XG: variants seen among roughly 807,000 people sequenced by gnomAD.
XG encodes the protein glycoprotein Xg.
A neutral mutation model predicts 25.7 loss-of-function variants in XG; 24 were observed. The ratio of observed to expected loss-of-function variants is 0.93; its 90% CI spans 0.68 to 1.31. XG has a LOEUF of 1.31. Among genes scored for constraint, XG ranks in the 40% most tolerant of loss-of-function variants. The probability of loss-of-function intolerance (pLI) is 0.00; values close to 1 mark genes in which losing one functional copy is unlikely to be tolerated. For synonymous variants in XG, 77 were observed against 69.2 expected (o/e 1.11, Z -0.56); for missense variants, 181 against 187.6 (o/e 0.96, Z 0.21).
chrX:2,770,571 C>A lies in XG; in HGVS notation c.83C>A (p.Ala28Glu), dbSNP rs146590192. ...ATAGGTCAAAGAGACTTTGATTTGG[C>A]AGATGCCCTTGATGACCCTGGTAAG... ...HARGQRDFDL[A>E]DALDDPEPTK... Residue 28 changes from alanine to glutamate, a missense_variant, in exon 2 of 11, where the codon GCA (alanine) becomes GAA (glutamate). Coordinates refer to ENST00000644266, the MANE Select transcript of XG (RefSeq NM_001141919.2). The A allele has an allele frequency of 2.5e-6, 4 of 1,613,892 alleles. No individual in the cohort carries two copies. The highest frequency in any genetic ancestry group is 2.5e-6 in the Non-Finnish European group (3 of 1,179,848).
At chrX:2,774,652 C>G in intron 2 of XG, 64 bp from the exon 3 acceptor site, 1 of 1,594,710 alleles carries the variant, frequency 6.3e-7, no homozygotes, top group Non-Finnish European at 8.6e-7. Flanking sequence ...CGTTCATGGC[C>G]TTTCTTCATG....
chrX:2,813,864 T>C (rs1486711229), intron 10 of XG, among the ~76,000 whole-genome samples: 1 of 112,899 alleles, frequency 8.9e-6, no homozygotes, highest in African/African-American at 3.2e-5. Context: ...TCAAAATCCT[T>C]AACAAATGGC....
At chrX:2,763,538 A>G (rs1246632908) in intron 1 of XG, among the ~76,000 whole-genome samples, 2 of 152,306 alleles carry the variant, frequency 1.3e-5, no homozygotes, top group Admixed American at 1.3e-4. Flanking sequence ...ACCAATGGCC[A>G]CAACTAACAT....
chrX:2,785,372 A>G (rs1197740280), intron 4 of XG, among the ~76,000 whole-genome samples: 1 of 111,758 alleles, frequency 8.9e-6, no homozygotes, highest in Non-Finnish European at 1.9e-5. Flanking sequence ...CCAGGGTGAA[A>G]TTCCACAGAA....
chrX:2,763,980 T>C (rs1323625257), intron 1 of XG, among the ~76,000 whole-genome samples: 1 of 152,094 alleles, frequency 6.6e-6, no homozygotes, highest in Admixed American at 6.6e-5. Flanking sequence ...CATTCCCGGA[T>C]GGTCAAGGCA....
At chrX:2,800,760 G>A (rs1307171800) in intron 7 of XG, among the ~76,000 whole-genome samples, 1 of 111,383 alleles carries the variant, frequency 9.0e-6, no homozygotes, top group Non-Finnish European at 1.9e-5. Context: ...GGCCAAGGTG[G>A]GTGGATCCCT....
chrX:2,768,365 G>A (rs1420517510), intron 1 of XG, among the ~76,000 whole-genome samples: 1 of 152,178 alleles, frequency 6.6e-6, no homozygotes, highest in Non-Finnish European at 1.5e-5. Flanking sequence ...CAGGTGTCTC[G>A]ACTGGAACTG....
intron 1 of XG, among the ~76,000 whole-genome samples, chrX:2,756,413 A>G: frequency 6.6e-6 from 1 of 152,328 alleles, no homozygotes; most frequent in Non-Finnish European, 1.5e-5. Flanking sequence ...TTAGTTTACA[A>G]TAATCTATTG....
Position 2,752,157 on chromosome X carries a change from G to A in XG, c.-118G>A, listed in dbSNP as rs2050342937. ...CTCATATTTTCCACTTGAAGACATCGCCTCCCTTCCTTCCAAGCTGGGAGA... is the reference window on the plus strand; with the variant it reads ...CTCATATTTTCCACTTGAAGACATCACCTCCCTTCCTTCCAAGCTGGGAGA... On this transcript the variant is annotated 5_prime_UTR_variant, in exon 1 of 11. Transcript: ENST00000644266. The A allele has an allele frequency of 3.3e-6, 5 of 1,532,676 alleles. No homozygotes were observed. The highest frequency in any genetic ancestry group is 4.5e-5 in the East Asian group (2 of 44,182). The allele number at this position is 1,532,676 out of a possible 1,614,324, so 94.9% of individuals were successfully genotyped here.
chrX:2,768,272 T>C (rs1326585218), intron 1 of XG, among the ~76,000 whole-genome samples: 2 of 152,118 alleles, frequency 1.3e-5, no homozygotes, highest in Admixed American at 1.3e-4. Context: ...CAGTGAAAGA[T>C]ATTGGTCAAC....
chrX:2,794,512 A>G, intron 5 of XG, 23 bp from the exon 6 acceptor site: 1 of 1,208,028 alleles, frequency 8.3e-7, no homozygotes, highest in East Asian at 3.0e-5. Context: ...CTCATGAGCA[A>G]TGCCGCGTGC....
intron 7 of XG, 88 bp from the exon 8 acceptor site, chrX:2,806,613 C>A: frequency 1.2e-6 from 1 of 829,095 alleles, no homozygotes; most frequent in Non-Finnish European, 1.7e-6. Flanking sequence ...CATCTTGCTT[C>A]AGGTTTGCTG....
chrX:2,804,563 C>T (rs781288708), intron 7 of XG, among the ~76,000 whole-genome samples: 45 of 111,509 alleles, frequency 4.0e-4, no homozygotes, highest in Admixed American at 3.0e-3. Flanking sequence ...ACCCCTACAG[C>T]CTACGAATGA....
At chrX:2,781,699 G>A (rs1317844369) in intron 3 of XG, among the ~76,000 whole-genome samples, 1 of 111,828 alleles carries the variant, frequency 8.9e-6, no homozygotes, top group African/African-American at 3.3e-5. Context: ...GGAACAGAAG[G>A]TTTGGTGTTA....
rs778771423 is a variant in XG, at chrX:2,752,093, G to A, written c.-182G>A. 1.6e-5 allele frequency: 15 copies of A among 936,388 alleles called. No individual in the cohort carries two copies. In the East Asian group the frequency reaches 3.1e-4, roughly 19 times the overall value. 58.0% of individuals were successfully genotyped at this position (936,388 alleles called of 1,614,324 possible). Reference sequence around the variant, plus strand: ...CACAGGTTTTCAGCTGTGGAGTTTGGGATCTGAGCTTGGAGCCCATTTGTT... The same window carrying A: ...CACAGGTTTTCAGCTGTGGAGTTTGAGATCTGAGCTTGGAGCCCATTTGTT... On this transcript the variant is annotated 5_prime_UTR_variant, in exon 1 of 11. Transcript: ENST00000644266.
At chrX:2,781,309 A>G (rs6655036) in intron 3 of XG, among the ~76,000 whole-genome samples, 1 of 151,134 alleles carries the variant, frequency 6.6e-6, no homozygotes, top group Non-Finnish European at 1.5e-5. Context: ...GGCCTCCACA[A>G]ACAAGTTTAT....
intron 1 of XG, among the ~76,000 whole-genome samples, chrX:2,764,814 G>T (rs148301245): frequency 0.013 from 1,943 of 152,050 alleles, 48 homozygotes; most frequent in African/African-American, 0.044. Flanking sequence ...GCCGAGGCGG[G>T]TGAATCACTT....
At chrX:2,798,992 A>G (rs2316291) in intron 7 of XG, among the ~76,000 whole-genome samples, 54,506 of 108,466 alleles carry the variant, frequency 0.5, 11,785 homozygotes, top group Admixed American at 0.7. Context: ...CTTAATTAAC[A>G]GGAGAAAAAG....
At chrX:2,757,054 A>G (rs2050451322) in intron 1 of XG, among the ~76,000 whole-genome samples, 1 of 152,070 alleles carries the variant, frequency 6.6e-6, no homozygotes, top group Non-Finnish European at 1.5e-5. Context: ...CCAGATGGAG[A>G]TGACTCTTAG....
Sources: gnomAD v4.1 joint callset for allele counts (sites outside exome capture counted in the v4.1 genomes callset) on GRCh38, gnomAD v4.1.1 for gene constraint, MANE v1.5 for transcripts, NCBI Gene and HGNC (gene_info 2026-07-23, HGNC 2026-07-21) for gene names.